Variants in PCCA observed in about 807,000 individuals in gnomAD.
PCCA encodes propionyl-CoA carboxylase alpha chain, mitochondrial.
PCCA carries 74 observed loss-of-function variants against 101.3 expected under a neutral mutation model. That is an observed-to-expected ratio of 0.73 (90% confidence interval 0.61 to 0.89). The LOEUF is 0.89. Among genes scored for constraint, PCCA ranks in the 40% least tolerant of loss-of-function variants. The pLI is 0.00. For synonymous variants in PCCA, 294 were observed against 313.6 expected (o/e 0.94, Z 0.66); for missense variants, 891 against 907.0 (o/e 0.98, Z 0.23).
chr13:100,116,921 G>A (rs2048850706), intron 4 of PCCA, among the ~76,000 whole-genome samples: 1 of 152,120 alleles, frequency 6.6e-6, no homozygotes, highest in Non-Finnish European at 1.5e-5. Context: ...TGAGAGCTGT[G>A]CAAAAACAGC....
intron 4 of PCCA, among the ~76,000 whole-genome samples, chr13:100,131,372 C>T (rs1476164937): frequency 1.3e-5 from 2 of 152,254 alleles, no homozygotes; most frequent in East Asian, 3.9e-4. Flanking sequence ...GCCGTGATTT[C>T]CAAGAACGAA....
intron 19 of PCCA, among the ~76,000 whole-genome samples, chr13:100,403,519 G>A (rs114462711): frequency 0.013 from 2,012 of 152,224 alleles, 54 homozygotes; most frequent in African/African-American, 0.045. Flanking sequence ...CACAGTGAGC[G>A]GGGGTGGGGA....
intron 19 of PCCA, among the ~76,000 whole-genome samples, chr13:100,385,756 G>A (rs1461173153): frequency 6.6e-6 from 1 of 152,122 alleles, no homozygotes; most frequent in Non-Finnish European, 1.5e-5. Context: ...CTGAATAGCT[G>A]AATAGTCAGC....
chr13:100,114,813 A>G (rs1463469954), intron 4 of PCCA, among the ~76,000 whole-genome samples: 1 of 152,230 alleles, frequency 6.6e-6, no homozygotes, highest in Non-Finnish European at 1.5e-5. Context: ...GAACCCTCAT[A>G]TGCTGTTGGT....
At position 100,474,652 on chromosome 13, in the gene PCCA, A is replaced by AT. The variant is rs1289875214; in HGVS notation, c.1899+25353dup. Among the ~76,000 whole-genome samples, 4 of 151,920 alleles carry AT rather than the reference A, an allele frequency of 2.6e-5. No homozygotes were observed. The East Asian group carries it at 7.7e-4, about 29-fold the overall frequency. On this transcript the variant is annotated intron_variant, in intron 21 of 23. Coordinates refer to ENST00000376285, the MANE Select transcript of PCCA (RefSeq NM_000282.4). ...AGGAATGCGCCACCATGCCTGGTTA[A>AT]TTTTTTAGGTATTTTTTGTAGAGAA...
intron 21 of PCCA, among the ~76,000 whole-genome samples, chr13:100,500,546 G>A (rs2085591854): frequency 6.6e-6 from 1 of 152,154 alleles, no homozygotes; most frequent in Admixed American, 6.5e-5. Context: ...GTTAAGGCTG[G>A]TTTCAGCTCA....
At chr13:100,273,101 T>A (rs1219389159) in intron 11 of PCCA, 95 bp from the exon 12 acceptor site, 2 of 865,326 alleles carry the variant, frequency 2.3e-6, no homozygotes, top group African/African-American at 1.7e-5. Flanking sequence ...ATGATCTATA[T>A]CTGAGTAAAC....
At chr13:100,312,304 C>T (rs1361342109) in intron 16 of PCCA, among the ~76,000 whole-genome samples, 3 of 152,190 alleles carry the variant, frequency 2.0e-5, no homozygotes, top group Non-Finnish European at 2.9e-5. Context: ...CTTTTCTCGC[C>T]TCTCTTGGTC....
At chr13:100,417,902 G>A (rs751075490) in intron 19 of PCCA, among the ~76,000 whole-genome samples, 10 of 152,008 alleles carry the variant, frequency 6.6e-5, no homozygotes, top group Non-Finnish European at 1.5e-4. Context: ...CGACTGCTCC[G>A]CTCTTTCTTG....
At chr13:100,148,272 A>G (rs1371020493) in intron 4 of PCCA, among the ~76,000 whole-genome samples, 1 of 152,030 alleles carries the variant, frequency 6.6e-6, no homozygotes, top group East Asian at 1.9e-4. Context: ...TTACCTAGTT[A>G]TTTTGCACAT....
chr13:100,173,503 G>C (rs2055921422), intron 6 of PCCA, among the ~76,000 whole-genome samples: 3 of 152,142 alleles, frequency 2.0e-5, no homozygotes, highest in Admixed American at 6.5e-5. Flanking sequence ...CTTGGTAATG[G>C]AGAAATACAT....
chr13:100,280,633 G>T (rs994488450), intron 12 of PCCA, among the ~76,000 whole-genome samples: 1 of 152,070 alleles, frequency 6.6e-6, no homozygotes, highest in Admixed American at 6.5e-5. Context: ...CTAGGATTTT[G>T]TTAAAATGCT....
intron 4 of PCCA, among the ~76,000 whole-genome samples, chr13:100,116,402 GCA>G (rs985587535): frequency 2.6e-5 from 4 of 152,132 alleles, no homozygotes; most frequent in African/African-American, 9.7e-5. Flanking sequence ...AATGGATACT[GCA>G]CATATCAACT....
At chr13:100,183,045 G>A (rs1291023774) in intron 6 of PCCA, among the ~76,000 whole-genome samples, 1 of 152,166 alleles carries the variant, frequency 6.6e-6, no homozygotes, top group Non-Finnish European at 1.5e-5. Context: ...TTGTGTACAG[G>A]AAGGTAGTGG....
intron 21 of PCCA, among the ~76,000 whole-genome samples, chr13:100,515,045 C>A (rs2086728703): frequency 6.6e-6 from 1 of 152,234 alleles, no homozygotes; most frequent in Non-Finnish European, 1.5e-5. Flanking sequence ...CCACATGTCA[C>A]CTCCTCCATC....
intron 12 of PCCA, among the ~76,000 whole-genome samples, chr13:100,288,189 A>G (rs1211051680): frequency 6.6e-6 from 1 of 152,222 alleles, no homozygotes; most frequent in African/African-American, 2.4e-5. Context: ...CAGAATTCCC[A>G]TATGCCCCTC....
At chr13:100,187,038 C>CTA (rs988242266) in intron 6 of PCCA, among the ~76,000 whole-genome samples, 5 of 152,056 alleles carry the variant, frequency 3.3e-5, no homozygotes, top group African/African-American at 1.2e-4. Context: ...TGTAAAATTC[C>CTA]TAGTTTTCCC....
At chr13:100,522,333 T>G (rs2087368200) in intron 22 of PCCA, among the ~76,000 whole-genome samples, 1 of 152,224 alleles carries the variant, frequency 6.6e-6, no homozygotes, top group Admixed American at 6.5e-5. Flanking sequence ...CCTGTGTTTC[T>G]CTGGTAATGT....
chr13:100,243,517 A>T (rs576264404), intron 8 of PCCA, among the ~76,000 whole-genome samples: 3 of 152,328 alleles, frequency 2.0e-5, no homozygotes, highest in African/African-American at 4.8e-5. Context: ...AAACAAAATG[A>T]TCTAGGATTA....
Sources: gnomAD v4.1 joint callset for allele counts (sites outside exome capture counted in the v4.1 genomes callset) on GRCh38, gnomAD v4.1.1 for gene constraint, MANE v1.5 for transcripts, NCBI Gene and HGNC (gene_info 2026-07-23, HGNC 2026-07-21) for gene names.